The following SPNS2 variants were observed in gnomAD, a reference collection of about 807,000 sequenced individuals.
SPNS2 encodes sphingosine-1-phosphate transporter SPNS2.
In SPNS2, 37 loss-of-function variants were observed where a neutral mutation model predicts 57.6. That is an observed-to-expected ratio of 0.64 (90% CI 0.49 to 0.85). The LOEUF is 0.85. Among genes scored for constraint, SPNS2 ranks in the 40% least tolerant of loss-of-function variants. The pLI is 0.00. For missense variants in SPNS2, 831 were observed against 779.1 expected (o/e 1.07, Z -0.79); for synonymous variants, 440 against 346.9 (o/e 1.27, Z -2.98).
At position 4,538,336 on chromosome 17, in the gene SPNS2, G is replaced by T; in HGVS notation, c.*888G>T. 1 of 182,576 alleles carries T rather than the reference G, an allele frequency of 5.5e-6. No homozygotes were observed. The highest frequency in any genetic ancestry group is 1.1e-5 in the Non-Finnish European group (1 of 87,308). 11.3% of individuals were successfully genotyped at this position (182,576 alleles called of 1,614,324 possible). ...AGGAGACCATTCCCAGAATCCATGG[G>T]GCAGTAGCCAGGGCTCCGGCTGCTG... On this transcript the variant is annotated 3_prime_UTR_variant, in exon 13 of 13. Coordinates refer to ENST00000329078, the MANE Select transcript of SPNS2 (RefSeq NM_001124758.3).
At chr17:4,521,809 C>A (rs889432596) in intron 2 of SPNS2, among the ~76,000 whole-genome samples, 1 of 152,228 alleles carries the variant, frequency 6.6e-6, no homozygotes, top group Non-Finnish European at 1.5e-5. Flanking sequence ...AAACACTGGA[C>A]AATGGCGTGT....
chr17:4,521,861 G>T (rs1334024859), intron 2 of SPNS2, among the ~76,000 whole-genome samples: 2 of 152,214 alleles, frequency 1.3e-5, no homozygotes, highest in African/African-American at 4.8e-5. Flanking sequence ...GACACGACGT[G>T]GGTAGCTTGA....
chr17:4,535,409 C>G (rs72830098), intron 9 of SPNS2, among the ~76,000 whole-genome samples: 373 of 152,272 alleles, frequency 2.4e-3, no homozygotes, highest in Non-Finnish European at 3.8e-3. Context: ...GGGTCTTTAG[C>G]TTGATGGGAG....
At chr17:4,528,874 A>G (rs2144356373) in intron 3 of SPNS2, among the ~76,000 whole-genome samples, 1 of 152,002 alleles carries the variant, frequency 6.6e-6, no homozygotes, top group East Asian at 1.9e-4. Context: ...CCTGGGCTCA[A>G]CTGATCCTCC....
chr17:4,521,403 T>A (rs1358161076), intron 2 of SPNS2, among the ~76,000 whole-genome samples: 2 of 152,188 alleles, frequency 1.3e-5, no homozygotes, highest in Non-Finnish European at 2.9e-5. Context: ...AGGAAATAAT[T>A]TCTGCCTTGA....
intron 2 of SPNS2, among the ~76,000 whole-genome samples, chr17:4,524,552 C>T (rs983956851): frequency 3.3e-5 from 5 of 152,114 alleles, no homozygotes; most frequent in East Asian, 1.9e-4. Flanking sequence ...AGTGTGGTGG[C>T]GCATGCCTGT....
At chr17:4,522,438 C>T (rs1348355477) in intron 2 of SPNS2, among the ~76,000 whole-genome samples, 2 of 152,170 alleles carry the variant, frequency 1.3e-5, no homozygotes, top group South Asian at 2.1e-4. Context: ...CAGGTCTGCT[C>T]GTACACCCAC....
At chr17:4,536,997 C>T in intron 12 of SPNS2, 51 bp downstream of exon 12, 1 of 1,598,588 alleles carries the variant, frequency 6.3e-7, no homozygotes, top group African/African-American at 1.3e-5. Context: ...AAGGGGAAGG[C>T]CAGGGTTAGG....
At chr17:4,535,697 T>C (rs1905746120) in intron 9 of SPNS2, among the ~76,000 whole-genome samples, 1 of 151,238 alleles carries the variant, frequency 6.6e-6, no homozygotes, top group Non-Finnish European at 1.5e-5. Flanking sequence ...GGGAGGGAGG[T>C]GAAGATTCCA....
At chr17:4,519,618 A>G (rs1283174299) in intron 2 of SPNS2, among the ~76,000 whole-genome samples, 1 of 1,132 alleles carries the variant, frequency 8.8e-4, no homozygotes, top group African/African-American at 2.7e-3. Context: ...CACCCTCCAC[A>G]GGATGTCCCT....
intron 12 of SPNS2, 145 bp downstream of exon 12, chr17:4,537,091 C>T (rs1905881734): frequency 3.4e-6 from 3 of 890,152 alleles, no homozygotes; most frequent in South Asian, 3.1e-5. Context: ...AAGATGTTGC[C>T]AGAATTTACT....
At chr17:4,534,937 G>T (rs936252873) in intron 9 of SPNS2, among the ~76,000 whole-genome samples, 2 of 152,162 alleles carry the variant, frequency 1.3e-5, no homozygotes, top group Admixed American at 1.3e-4. Context: ...TCGCGTCCCG[G>T]TTTATTAAGT....
rs1032684125 is a variant in SPNS2 at position 4,538,123 on chromosome 17, C to T, written c.*675C>T. ...AGGTCCCAGATGGGGACTGTTCTGA[C>T]AAGCTGGCATCACCAGGGGTGAAGG... On this transcript the variant is annotated 3_prime_UTR_variant, in exon 13 of 13. Coordinates refer to ENST00000329078, the MANE Select transcript of SPNS2 (RefSeq NM_001124758.3). 5.8e-5 allele frequency: 18 copies of T among 310,356 alleles called. No individual in the cohort carries two copies. Among genetic ancestry groups the T allele is most frequent in the Non-Finnish European group, 1.3e-5 (2 of 156,680 alleles). 19.2% of individuals were successfully genotyped at this position (310,356 alleles called of 1,614,324 possible). A position where few individuals can be genotyped will look rare whatever the true frequency, so the allele number is the denominator to read the frequency against.
rs201455747 is a variant in SPNS2, at chr17:4,532,580, C to T, written c.831C>T (p.Ile277=). 6.2e-7 allele frequency: 1 copy of T among 1,614,144 alleles called. No homozygotes were observed. The highest frequency in any genetic ancestry group is 8.5e-7 in the Non-Finnish European group (1 of 1,180,030). Residue 277 remains isoleucine, a synonymous_variant, in exon 6 of 13, where the codon ATC becomes ATT. Transcript: ENST00000329078. ...TGGGCATGATCACAGGAACACTCATCCTCATTCTGGTCCCAGCCACTAAAA... is the reference window on the plus strand; with the variant it reads ...TGGGCATGATCACAGGAACACTCATTCTCATTCTGGTCCCAGCCACTAAAA... The part of the protein sequence containing the change: ...PVLGMITGTL[I]LILVPATKRG...
chr17:4,524,350 G>A (rs1905213134), intron 2 of SPNS2, among the ~76,000 whole-genome samples: 1 of 152,222 alleles, frequency 6.6e-6, no homozygotes, highest in African/African-American at 2.4e-5. Context: ...TGAGGTGGGA[G>A]GGGGCTGGAA....
At chr17:4,513,182 G>A (rs963617816) in intron 1 of SPNS2, 65 bp from the exon 2 acceptor site, 2 of 1,550,918 alleles carry the variant, frequency 1.3e-6, no homozygotes, top group Non-Finnish European at 8.9e-7. Context: ...GAAAGAGGCT[G>A]GGCTGGTCTG....
intron 8 of SPNS2, 101 bp downstream of exon 8, chr17:4,533,533 C>G (rs1905601880): frequency 7.8e-7 from 1 of 1,287,102 alleles, no homozygotes; most frequent in East Asian, 2.5e-5. Flanking sequence ...GTTCCCTTCC[C>G]TCGGGGAGGC....
chr17:4,505,982 G>C (rs1208899237), intron 1 of SPNS2, among the ~76,000 whole-genome samples: 1 of 152,256 alleles, frequency 6.6e-6, no homozygotes, highest in Non-Finnish European at 1.5e-5. Context: ...CAACTGAAAA[G>C]GGCTGTGCCT....
chr17:4,518,689 T>C (rs1905061461), intron 2 of SPNS2, among the ~76,000 whole-genome samples: 1 of 150,532 alleles, frequency 6.6e-6, no homozygotes, highest in African/African-American at 2.5e-5. Flanking sequence ...GGAGGGAGAG[T>C]GGGGACAGAG....
Sources: gnomAD v4.1 joint callset for allele counts (sites outside exome capture counted in the v4.1 genomes callset) on GRCh38, gnomAD v4.1.1 for gene constraint, MANE v1.5 for transcripts, NCBI Gene and HGNC (gene_info 2026-07-23, HGNC 2026-07-21) for gene names.